Variants in FRMD6 observed in about 807,000 individuals in gnomAD.
FRMD6 encodes the protein FERM domain containing 6, also known as FERM domain-containing protein 6.
FRMD6 carries 37 observed loss-of-function variants against 73.2 expected under a neutral mutation model. The ratio of observed to expected loss-of-function variants is 0.51; its 90% confidence interval spans 0.39 to 0.66. The LOEUF is 0.66. Among genes scored for constraint, FRMD6 ranks in the 30% least tolerant of loss-of-function variants. The probability of loss-of-function intolerance (pLI) is 0.00; values close to 1 mark genes in which losing one functional copy is unlikely to be tolerated. For synonymous variants in FRMD6, 273 were observed against 282.2 expected (o/e 0.97, Z 0.33); for missense variants, 714 against 780.5 (o/e 0.91, Z 1.02).
intron 1 of FRMD6, among the ~76,000 whole-genome samples, chr14:51,686,599 C>T (rs1254937945): frequency 6.6e-6 from 1 of 151,928 alleles, no homozygotes; most frequent in African/African-American, 2.4e-5. Context: ...GGTTTGATCA[C>T]TATTAAAACT....
intron 1 of FRMD6, among the ~76,000 whole-genome samples, chr14:51,559,649 C>A (rs1887367721): frequency 6.6e-6 from 1 of 152,122 alleles, no homozygotes; most frequent in African/African-American, 2.4e-5. Flanking sequence ...TGCTTATCCA[C>A]TATTTCTTGA....
chr14:51,530,672 T>A (rs1004155606), intron 1 of FRMD6, among the ~76,000 whole-genome samples: 1 of 150,844 alleles, frequency 6.6e-6, no homozygotes, highest in Non-Finnish European at 1.5e-5. Flanking sequence ...ATTTTAGTAG[T>A]CATGGGGTCT....
At chr14:51,647,521 AT>A (rs895624314), upstream of FRMD6, among the ~76,000 whole-genome samples, 1 of 152,230 alleles carries the variant, frequency 6.6e-6, no homozygotes, top group African/African-American at 2.4e-5. Context: ...ATGTGAGATT[AT>A]TTTCTTTCAT....
At chr14:51,585,400 T>G (rs1231288961) in intron 2 of FRMD6, among the ~76,000 whole-genome samples, 1 of 152,180 alleles carries the variant, frequency 6.6e-6, no homozygotes, top group African/African-American at 2.4e-5. Context: ...GAGGCTACAA[T>G]TTAAGTGTTT....
intron 9 of FRMD6, 39 bp from the exon 10 acceptor site, chr14:51,715,285 AT>A (rs1897176314): frequency 2.1e-6 from 3 of 1,436,760 alleles, no homozygotes; most frequent in African/African-American, 2.9e-5. Flanking sequence ...CAAATCAGAG[AT>A]TTTTCTTCCT....
At chr14:51,607,678 C>T (rs1890318353) in intron 2 of FRMD6, among the ~76,000 whole-genome samples, 1 of 152,240 alleles carries the variant, frequency 6.6e-6, no homozygotes, top group Admixed American at 6.5e-5. Context: ...TGTCCTAACA[C>T]AGATGGTACT....
chr14:51,677,220 A>T (rs549833735), intron 1 of FRMD6, among the ~76,000 whole-genome samples: 1 of 152,248 alleles, frequency 6.6e-6, no homozygotes, highest in East Asian at 1.9e-4. Context: ...GTTACCAGAA[A>T]GCTAGCAACT....
intron 2 of FRMD6, among the ~76,000 whole-genome samples, chr14:51,604,832 AC>A (rs1160658326): frequency 6.6e-6 from 1 of 151,638 alleles, no homozygotes; most frequent in African/African-American, 2.4e-5. Context: ...TGTACTCCCA[AC>A]CTCCTCAGGG....
At chr14:51,602,692 G>T (rs748383371) in intron 2 of FRMD6, among the ~76,000 whole-genome samples, 3 of 152,134 alleles carry the variant, frequency 2.0e-5, no homozygotes, top group Admixed American at 6.5e-5. Context: ...TACAAGAAAA[G>T]CCTGTCAACT....
intron 7 of FRMD6, 33 bp from the exon 8 acceptor site, chr14:51,711,498 C>T: frequency 7.1e-7 from 1 of 1,411,500 alleles, no homozygotes; most frequent in Non-Finnish European, 9.8e-7. Flanking sequence ...TATATAAAAA[C>T]ATTTAATTTT....
the FRMD6 span, among the ~76,000 whole-genome samples, chr14:51,404,144 T>A: frequency 0.18 from 27,460 of 152,114 alleles, 2,584 homozygotes; most frequent in Middle Eastern, 0.25. Flanking sequence ...TATTGCATTG[T>A]AGTTTTAATC....
intron 1 of FRMD6, among the ~76,000 whole-genome samples, chr14:51,545,400 G>C (rs1053263884): frequency 6.6e-6 from 1 of 152,080 alleles, no homozygotes; most frequent in Non-Finnish European, 1.5e-5. Context: ...GAAGCTGCAT[G>C]ATCTGTCTTC....
intron 1 of FRMD6, among the ~76,000 whole-genome samples, chr14:51,518,447 C>T (rs1175409112): frequency 6.6e-6 from 1 of 152,188 alleles, no homozygotes; most frequent in Non-Finnish European, 1.5e-5. Flanking sequence ...TTTATATTCT[C>T]AGAAGCGCAT....
chr14:51,409,649 G>T, the FRMD6 span, among the ~76,000 whole-genome samples: 1 of 151,910 alleles, frequency 6.6e-6, no homozygotes, highest in East Asian at 1.9e-4. Context: ...CCCAGGTTGG[G>T]GTGCAGTGGT....
chr14:51,654,571 A>C (rs1480243367), intron 1 of FRMD6, among the ~76,000 whole-genome samples: 1 of 151,452 alleles, frequency 6.6e-6, no homozygotes, highest in Non-Finnish European at 1.5e-5. Context: ...TTGATTTCTA[A>C]AGTTGTGGGT....
At chr14:51,667,485 T>C (rs1015198281) in intron 1 of FRMD6, among the ~76,000 whole-genome samples, 2 of 152,208 alleles carry the variant, frequency 1.3e-5, no homozygotes, top group Admixed American at 6.5e-5. Flanking sequence ...ATCAGAAATG[T>C]TTTATGTATT....
At chr14:51,611,408 A>C (rs920317347) in intron 2 of FRMD6, among the ~76,000 whole-genome samples, 3 of 152,164 alleles carry the variant, frequency 2.0e-5, no homozygotes, top group African/African-American at 7.2e-5. Context: ...ACACATTGAA[A>C]TAACCAGGGC....
chr14:51,608,965 T>TGG (rs148660977), intron 2 of FRMD6, among the ~76,000 whole-genome samples: 2 of 152,116 alleles, frequency 1.3e-5, no homozygotes, highest in Non-Finnish European at 2.9e-5. Context: ...GCACCAGCCT[T>TGG]GGGGGGTGGC....
At chr14:51,557,342 A>G (rs773138822) in intron 1 of FRMD6, among the ~76,000 whole-genome samples, 1 of 152,122 alleles carries the variant, frequency 6.6e-6, no homozygotes, top group Non-Finnish European at 1.5e-5. Context: ...GTCACTTTCA[A>G]TGACATGGAT....
Sources: gnomAD v4.1 joint callset for allele counts (sites outside exome capture counted in the v4.1 genomes callset) on GRCh38, gnomAD v4.1.1 for gene constraint, MANE v1.5 for transcripts, NCBI Gene and HGNC (gene_info 2026-07-23, HGNC 2026-07-21) for gene names.